The following ADCY9 variants were observed in gnomAD, a reference collection of about 807,000 sequenced individuals.
ADCY9 encodes the protein adenylate cyclase 9.
In ADCY9, 50 loss-of-function variants were observed where a neutral mutation model predicts 101.5. The ratio of observed to expected loss-of-function variants is 0.49; its 90% CI spans 0.39 to 0.62. ADCY9 has a LOEUF of 0.62. ADCY9 is among the 20% of genes least tolerant of loss of function. ADCY9 has a pLI of 0.00. For missense variants in ADCY9, 1,662 were observed against 1,800.4 expected, an observed-to-expected ratio of 0.92 and a Z score of 1.39; for synonymous variants, 905 against 769.3, an observed-to-expected ratio of 1.18 and a Z score of -2.92.
chr16:3,954,548 A>C (rs1016105437), intron 5 of ADCY9, among the ~76,000 whole-genome samples: 3 of 152,180 alleles, frequency 2.0e-5, no homozygotes, highest in African/African-American at 7.2e-5. Flanking sequence ...GGGAATGGCT[A>C]GGAGTGTCTC....
chr16:4,044,070 G>A (rs1217699365), intron 2 of ADCY9, among the ~76,000 whole-genome samples: 6 of 152,164 alleles, frequency 3.9e-5, no homozygotes, highest in African/African-American at 1.4e-4. Context: ...TTCTAGGCCA[G>A]GCACGGTGGC....
chr16:4,112,578 T>C (rs2057120754), intron 2 of ADCY9, among the ~76,000 whole-genome samples: 1 of 152,050 alleles, frequency 6.6e-6, no homozygotes. Context: ...CGTCTCTGAT[T>C]GAAACTATTA....
At chr16:4,086,823 C>G (rs1339066423) in intron 2 of ADCY9, among the ~76,000 whole-genome samples, 1 of 152,022 alleles carries the variant, frequency 6.6e-6, no homozygotes, top group African/African-American at 2.4e-5. Flanking sequence ...CCACGCCCGG[C>G]TAATTTTTGT....
At chr16:4,084,360 C>G (rs1001995926) in intron 2 of ADCY9, among the ~76,000 whole-genome samples, 10 of 152,046 alleles carry the variant, frequency 6.6e-5, no homozygotes, top group African/African-American at 2.2e-4. Flanking sequence ...GATCTGCCTG[C>G]CTCAGCCTCC....
intron 2 of ADCY9, among the ~76,000 whole-genome samples, chr16:4,082,912 T>C (rs952800866): frequency 6.6e-6 from 1 of 152,206 alleles, no homozygotes; most frequent in African/African-American, 2.4e-5. Flanking sequence ...GTCTGCTTAG[T>C]TTCCATGCCA....
At chr16:4,100,535 C>T (rs531645982) in intron 2 of ADCY9, among the ~76,000 whole-genome samples, 76 of 151,870 alleles carry the variant, frequency 5.0e-4, no homozygotes, top group African/African-American at 1.5e-3. Flanking sequence ...TTTGCCATGT[C>T]GGACAGGCTG....
At chr16:4,094,982 T>C (rs1482599397) in intron 2 of ADCY9, among the ~76,000 whole-genome samples, 1 of 151,344 alleles carries the variant, frequency 6.6e-6, no homozygotes, top group Non-Finnish European at 1.5e-5. Context: ...ATCCAAGAGT[T>C]TCCTTTCAAT....
intron 5 of ADCY9, among the ~76,000 whole-genome samples, chr16:3,953,737 G>A (rs1367131843): frequency 6.6e-6 from 1 of 152,182 alleles, no homozygotes; most frequent in African/African-American, 2.4e-5. Context: ...TGGAAAAAAC[G>A]CCGGTTTTGG....
At chr16:4,012,450 A>C (rs2056410367) in intron 2 of ADCY9, among the ~76,000 whole-genome samples, 1 of 143,178 alleles carries the variant, frequency 7.0e-6, no homozygotes, top group Non-Finnish European at 1.5e-5. Flanking sequence ...AGTTCATTAG[A>C]ATGGCTCTTT....
intron 2 of ADCY9, among the ~76,000 whole-genome samples, chr16:4,111,501 G>A (rs1328665865): frequency 1.3e-5 from 2 of 152,164 alleles, no homozygotes; most frequent in Non-Finnish European, 2.9e-5. Flanking sequence ...TTAACTATGT[G>A]TGTGAAAGGG....
chr16:4,073,943 C>T (rs776527142), intron 2 of ADCY9, among the ~76,000 whole-genome samples: 2 of 152,048 alleles, frequency 1.3e-5, no homozygotes, highest in Admixed American at 6.6e-5. Context: ...TAAAACTACA[C>T]TGTCTATATG....
At chr16:4,093,924 G>A (rs968040720) in intron 2 of ADCY9, among the ~76,000 whole-genome samples, 5 of 152,184 alleles carry the variant, frequency 3.3e-5, no homozygotes, top group Admixed American at 6.5e-5. Flanking sequence ...TCTCCCAGGA[G>A]TCTATGGAAT....
In ADCY9 at chr16:3,977,493, C is replaced by T. The variant is rs760701703; in HGVS notation, c.2817G>A (p.Leu939=). The change falls in exon 9 of 11, where the codon CTG becomes CTA. Residue 939 remains leucine (L), a synonymous_variant. Transcript: ENST00000294016. ...TGCTGGCCGCGTACCTGTCTGGGCA[C>T]AGGGAGACGTAGAGCAGGAGCAGCG... is the stretch of plus-strand genomic sequence containing the variant. ...AGPLLLLYVS[L]CPDSSVLTSP... 1.3e-6 allele frequency: 2 copies of T among 1,567,010 alleles called. No individual in the cohort carries two copies. Among genetic ancestry groups the T allele is most frequent in the African/African-American group, 1.4e-5 (1 of 74,062 alleles).
At chr16:4,042,954 G>A (rs1405829159) in intron 2 of ADCY9, among the ~76,000 whole-genome samples, 1 of 152,190 alleles carries the variant, frequency 6.6e-6, no homozygotes, top group Admixed American at 6.5e-5. Context: ...AAACTCGGCC[G>A]GGCGCAGTGG....
At chr16:4,010,774 G>A (rs2056398988) in intron 2 of ADCY9, among the ~76,000 whole-genome samples, 1 of 152,190 alleles carries the variant, frequency 6.6e-6, no homozygotes, top group South Asian at 2.1e-4. Flanking sequence ...CCCCTCCAAA[G>A]TTCAGGCGTT....
intron 2 of ADCY9, among the ~76,000 whole-genome samples, chr16:4,047,538 T>C (rs983561011): frequency 6.7e-6 from 1 of 149,284 alleles, no homozygotes; most frequent in Non-Finnish European, 1.5e-5. Flanking sequence ...TTGTAACCAA[T>C]GGGCTTCTGT....
At chr16:4,024,937 C>A (rs556003482) in intron 2 of ADCY9, among the ~76,000 whole-genome samples, 2 of 152,194 alleles carry the variant, frequency 1.3e-5, no homozygotes, top group Admixed American at 1.3e-4. Flanking sequence ...GAGCTCAGGG[C>A]CAGAGATCCA....
At chr16:4,076,126 C>T (rs1475074415) in intron 2 of ADCY9, among the ~76,000 whole-genome samples, 4 of 152,104 alleles carry the variant, frequency 2.6e-5, no homozygotes, top group African/African-American at 7.2e-5. Context: ...CCCACGAGTT[C>T]GAGGCTGCAG....
intron 2 of ADCY9, among the ~76,000 whole-genome samples, chr16:4,079,527 C>T (rs2056888859): frequency 6.6e-6 from 1 of 152,132 alleles, no homozygotes. Flanking sequence ...CGAGATCATG[C>T]CCCTGCACTT....
Sources: gnomAD v4.1 joint callset for allele counts (sites outside exome capture counted in the v4.1 genomes callset) on GRCh38, gnomAD v4.1.1 for gene constraint, MANE v1.5 for transcripts, NCBI Gene and HGNC (gene_info 2026-07-23, HGNC 2026-07-21) for gene names.